The following CLDN6 variants were observed in gnomAD, a reference collection of about 807,000 sequenced individuals.
CLDN6 encodes the protein claudin 6.
For missense variants in CLDN6, 279 were observed against 284.1 expected (o/e 0.98, Z 0.13); for synonymous variants, 144 against 131.2 (o/e 1.10, Z -0.67).
rs770327120 is a variant in CLDN6 at position 3,015,758 on chromosome 16, G to A, written c.264C>T (p.Leu88=). 1.1e-5 allele frequency: 17 copies of A among 1,613,992 alleles called. No homozygotes were observed. Among genetic ancestry groups the A allele is most frequent in the Non-Finnish European group, 1.7e-6 (2 of 1,180,058 alleles). ...QAARALCVIA[L]LVALFGLLVY... ...CCAGCAAGCCGAACAGGGCCACAAG[G>A]AGGGCGATGACACAGAGGGCACGTG... Residue 88 remains leucine (L), a synonymous_variant, in exon 2 of 2, where the codon CTC becomes CTT. Coordinates refer to ENST00000328796, the MANE Select transcript of CLDN6 (RefSeq NM_021195.5).
intron 1 of CLDN6, 91 bp downstream of exon 1, chr16:3,018,042 CAGGTGGCCGCAGCCCG>C: frequency 1.3e-5 from 2 of 152,410 alleles, no homozygotes; most frequent in East Asian, 3.9e-4. Context: ...CTCGCCCATC[CAGGTGGCCGCAGCCCG>C]AGTTCGCACG....
rs150258019 is a variant in CLDN6 at position 3,015,943 on chromosome 16, G to C, written c.79C>G (p.Leu27Val). The C allele has an allele frequency of 5.6e-6, 9 of 1,614,108 alleles. No homozygotes were observed. The African/African-American group carries it at 1.2e-4, about 22-fold the overall frequency. Residue 27 changes from leucine to valine, a missense_variant, in exon 2 of 2, where the codon CTG becomes GTG. Coordinates refer to ENST00000328796, the MANE Select transcript of CLDN6 (RefSeq NM_021195.5). ...AAAGCGGTCACCTTCCACATGGGCA[G>C]GGCACAGGAGACCAGGCCATTCACC... Reference protein sequence around the residue: ...GWVNGLVSCALPMWKVTAFIG... With the variant: ...GWVNGLVSCAVPMWKVTAFIG...
intron 1 of CLDN6, among the ~76,000 whole-genome samples, chr16:3,016,717 G>A (rs554376108): frequency 2.1e-4 from 31 of 147,064 alleles, no homozygotes; most frequent in Non-Finnish European, 3.9e-4. Context: ...GCGGGATCTC[G>A]GCTCACTGCA....
At chr16:3,017,209 A>G (rs916843628) in intron 1 of CLDN6, among the ~76,000 whole-genome samples, 2 of 152,178 alleles carry the variant, frequency 1.3e-5, no homozygotes, top group African/African-American at 2.4e-5. Context: ...GATGAAGAAA[A>G]GCATCATTAA....
intron 1 of CLDN6, among the ~76,000 whole-genome samples, 151 bp from the exon 2 acceptor site, chr16:3,016,193 G>A (rs562138145): frequency 1.0e-3 from 154 of 152,354 alleles, no homozygotes; most frequent in Non-Finnish European, 1.9e-3. Context: ...CTCACTTCTC[G>A]TGGGCAAAAT....
In CLDN6 at chr16:3,015,650, G is replaced by C. The variant is rs745917970; in HGVS notation, c.372C>G (p.Val124=). The C allele has an allele frequency of 1.9e-6, 3 of 1,613,406 alleles. No individual in the cohort carries two copies. The South Asian group carries it at 3.3e-5, about 18-fold the overall frequency. The part of the protein sequence containing the change: ...KARLVLTSGI[V]FVISGVLTLI... ...GCGTCAGGACCCCTGAGATGACAAA[G>C]ACAATCCCAGAGGTGAGCACCAGGC... is the stretch of plus-strand genomic sequence containing the variant. The change falls in exon 2 of 2, where the codon GTC becomes GTG. Residue 124 remains valine (V), a synonymous_variant. Transcript: ENST00000328796.
At position 3,014,909 on chromosome 16, in the gene CLDN6, A is replaced by G. The variant is rs1327645294; in HGVS notation, c.*450T>C. On this transcript the variant is annotated 3_prime_UTR_variant, in exon 2 of 2. Transcript: ENST00000328796. Reference sequence around the variant, plus strand: ...TTCCGGAGGTGGGCAGTCCTTTGTTAACAGATCATTTGTTTTTCCAGGGGT... The same window carrying G: ...TTCCGGAGGTGGGCAGTCCTTTGTTGACAGATCATTTGTTTTTCCAGGGGT... 2 of 388,778 alleles carry G rather than the reference A, an allele frequency of 5.1e-6. No homozygotes were observed. The highest frequency in any genetic ancestry group is 9.1e-6 in the Non-Finnish European group (2 of 220,794). The allele number at this position is 388,778 out of a possible 1,614,324, so 24.1% of individuals were successfully genotyped here.
chr16:3,016,047 GT>G lies in CLDN6; in HGVS notation c.-21-6del, dbSNP rs778629048. The G allele has an allele frequency of 5.0e-6, 8 of 1,600,160 alleles. No homozygotes were observed. The East Asian group carries it at 6.7e-5, about 13-fold the overall frequency. ...GGCGAGGTTGAAGGAGCTGCACTGT[GT>G]TTGGGACAGAAGCACAACAAGGTGA... On this transcript the variant is annotated splice_polypyrimidine_tract_variant and splice_region_variant and intron_variant, in intron 1 of 1. Transcript: ENST00000328796.
Position 3,014,825 on chromosome 16 carries a change from T to C in CLDN6, c.*534A>G, listed in dbSNP as rs539101643. ...AGGTGGGGGCGGGGGTCTACATAGC[T>C]GGGACCTGGCCCTGGGGGGTGGACG... On this transcript the variant is annotated 3_prime_UTR_variant, in exon 2 of 2. Coordinates refer to ENST00000328796, the MANE Select transcript of CLDN6 (RefSeq NM_021195.5). 5.1e-5 allele frequency: 12 copies of C among 234,146 alleles called. No homozygotes were observed. The highest frequency in any genetic ancestry group is 8.0e-5 in the Admixed American group (1 of 12,444). 14.5% of individuals were successfully genotyped at this position (234,146 alleles called of 1,614,324 possible).
rs144498371 is a variant in CLDN6, at chr16:3,015,719, C to T, written c.303G>A (p.Gly101=). The change falls in exon 2 of 2, where the codon GGG becomes GGA. Residue 101 remains glycine, a synonymous_variant. Transcript: ENST00000328796. ...CCTCCACACAGGTGGTACACTTGGC[C>T]CCAGCAAGGTAGACCAGCAAGCCGA... is the stretch of plus-strand genomic sequence containing the variant. ...ALFGLLVYLA[G]AKCTTCVEEK... is the part of the protein sequence containing the mutation. 1.2e-6 allele frequency: 2 copies of T among 1,613,896 alleles called. No individual in the cohort carries two copies. The highest frequency in any genetic ancestry group is 1.7e-5 in the Admixed American group (1 of 60,024).
chr16:3,017,482 A>G (rs1287495116), intron 1 of CLDN6, among the ~76,000 whole-genome samples: 1 of 152,026 alleles, frequency 6.6e-6, no homozygotes, highest in African/African-American at 2.4e-5. Flanking sequence ...CCCACTGCCC[A>G]GAGTACTTTC....
At position 3,015,743 on chromosome 16, in the gene CLDN6, G is replaced by A. The variant is rs770885606; in HGVS notation, c.279C>T (p.Phe93=). The change falls in exon 2 of 2, where the codon TTC becomes TTT. Residue 93 remains phenylalanine, a synonymous_variant. Transcript: ENST00000328796. ...CCCCAGCAAGGTAGACCAGCAAGCC[G>A]AACAGGGCCACAAGGAGGGCGATGA... ...LCVIALLVAL[F]GLLVYLAGAK... is the part of the protein sequence containing the mutation. 2.1e-5 allele frequency: 34 copies of A among 1,613,860 alleles called. No individual in the cohort carries two copies. Among genetic ancestry groups the A allele is most frequent in the East Asian group, 4.5e-5 (2 of 44,894 alleles).
intron 1 of CLDN6, 131 bp from the exon 2 acceptor site, chr16:3,016,173 C>T: frequency 1.3e-6 from 1 of 745,578 alleles, no homozygotes; most frequent in Non-Finnish European, 2.1e-6. Flanking sequence ...TCAAGACATG[C>T]TCCCTGAGCC....
intron 1 of CLDN6, 125 bp from the exon 2 acceptor site, chr16:3,016,167 G>C (rs2717701): frequency 0.37 from 301,839 of 813,862 alleles, 58,055 homozygotes; most frequent in Non-Finnish European, 0.4. Flanking sequence ...ACTCAGTCAA[G>C]ACATGCTCCC....
In CLDN6 at chr16:3,017,792, T is replaced by G. The variant is rs564770729; in HGVS notation, c.-22+357A>C. Among the ~76,000 whole-genome samples the G allele has an allele frequency of 3.9e-3, 588 of 150,324 alleles. 1 individual carries two copies. The highest frequency in any genetic ancestry group is 6.1e-3 in the Non-Finnish European group (411 of 67,542). On this transcript the variant is annotated intron_variant, in intron 1 of 1. Transcript: ENST00000328796. ...CCCGGCCCACCCGACCACCCCAGCC[T>G]GGGAGCCGCGCGCCCTGGAGGGGTT...
At chr16:3,016,230 A>G (rs1265571577) in intron 1 of CLDN6, among the ~76,000 whole-genome samples, 188 bp from the exon 2 acceptor site, 1 of 152,224 alleles carries the variant, frequency 6.6e-6, no homozygotes, top group Non-Finnish European at 1.5e-5. Context: ...AGCATTTATT[A>G]TTCTTTCTAG....
Position 3,015,993 on chromosome 16 carries a change from C to T in CLDN6, c.29G>A (p.Gly10Glu), listed in dbSNP as rs1445720284. 1.2e-5 allele frequency: 19 copies of T among 1,613,816 alleles called. No homozygotes were observed. The highest frequency in any genetic ancestry group is 1.6e-5 in the Non-Finnish European group (19 of 1,179,874). The change falls in exon 2 of 2, where the codon GGA becomes GAA. Residue 10 changes from glycine to glutamate, a missense_variant. Gly to Glu is a moderately conservative substitution (Grantham distance 98). Coordinates refer to ENST00000328796, the MANE Select transcript of CLDN6 (RefSeq NM_021195.5). MASAGMQIL[G>E]VVLTLLGWVN... ...CCAGCCCAGCAGTGTCAGGACGACT[C>T]CCAGGATCTGCATTCCGGCAGAGGC...
In CLDN6 at chr16:3,014,835, C is replaced by G. The variant is rs1306684622; in HGVS notation, c.*524G>C. On this transcript the variant is annotated 3_prime_UTR_variant, in exon 2 of 2. Transcript: ENST00000328796. ...GGGGGTCTACATAGCTGGGACCTGG[C>G]CCTGGGGGGTGGACGTCTTATCAGG... 3.3e-6 allele frequency: 1 copy of G among 304,004 alleles called. No individual in the cohort carries two copies. Among genetic ancestry groups the G allele is most frequent in the Non-Finnish European group, 6.0e-6 (1 of 167,772 alleles). The allele number at this position is 304,004 out of a possible 1,614,324, so 18.8% of individuals were successfully genotyped here.
chr16:3,017,825 T>C (rs889101904), intron 1 of CLDN6, among the ~76,000 whole-genome samples: 2 of 148,940 alleles, frequency 1.3e-5, no homozygotes, highest in African/African-American at 2.5e-5. Flanking sequence ...GTTCTATAGC[T>C]GCAGTGGCCG....
Sources: allele counts gnomAD v4.1 joint callset (sites outside exome capture counted in the v4.1 genomes callset), GRCh38; gene constraint gnomAD v4.1.1; transcripts MANE v1.5; gene names NCBI Gene and HGNC (gene_info 2026-07-23, HGNC 2026-07-21).